EYS: variants seen among roughly 807,000 people sequenced by gnomAD.
EYS encodes EGF-like photoreceptor maintenance factor.
In EYS, 250 loss-of-function variants were observed where a neutral mutation model predicts 282.1. The ratio of observed to expected loss-of-function variants is 0.89; its 90% confidence interval spans 0.80 to 0.98. EYS has a LOEUF of 0.98. Ranked by LOEUF, EYS falls within the 50% of genes least tolerant of loss-of-function variation. The pLI is 0.00. For missense variants in EYS, 4,016 were observed against 3,709.0 expected, an observed-to-expected ratio of 1.08 and a Z score of -2.15; for synonymous variants, 1,355 against 1,282.9, an observed-to-expected ratio of 1.06 and a Z score of -1.20.
intron 12 of EYS, among the ~76,000 whole-genome samples, chr6:65,138,634 T>C (rs1776089830): frequency 3.3e-5 from 5 of 152,090 alleles, no homozygotes; most frequent in African/African-American, 1.2e-4. Context: ...GTTTTCTTTA[T>C]ACTTTATATA....
intron 36 of EYS, among the ~76,000 whole-genome samples, chr6:63,839,178 C>A (rs1771884913): frequency 2.0e-5 from 3 of 152,118 alleles, no homozygotes; most frequent in Admixed American, 2.0e-4. Context: ...TCTAACTTTT[C>A]TTTTGTATCC....
At chr6:65,499,726 T>C (rs969348432) in intron 2 of EYS, among the ~76,000 whole-genome samples, 1 of 151,962 alleles carries the variant, frequency 6.6e-6, no homozygotes, top group African/African-American at 2.4e-5. Context: ...CTACCAGCAG[T>C]GTGAATGATG....
At chr6:63,851,467 A>T (rs1407678257) in intron 36 of EYS, among the ~76,000 whole-genome samples, 1 of 152,180 alleles carries the variant, frequency 6.6e-6, no homozygotes, top group African/African-American at 2.4e-5. Context: ...ATCATAACAA[A>T]CAGTCTCTCA....
chr6:64,198,243 G>T (rs1302155254), intron 31 of EYS, among the ~76,000 whole-genome samples: 1 of 150,790 alleles, frequency 6.6e-6, no homozygotes, highest in African/African-American at 2.4e-5. Context: ...TCCTGACCTC[G>T]TGATCCTCCT....
At chr6:65,296,535 T>TATAC (rs1227882749) in intron 11 of EYS, among the ~76,000 whole-genome samples, 2 of 151,754 alleles carry the variant, frequency 1.3e-5, no homozygotes, top group Non-Finnish European at 2.9e-5. Context: ...ACTATATATA[T>TATAC]ATACATATAT....
At chr6:63,852,292 G>C (rs1475006976) in intron 36 of EYS, among the ~76,000 whole-genome samples, 1 of 151,380 alleles carries the variant, frequency 6.6e-6, no homozygotes, top group African/African-American at 2.4e-5. Flanking sequence ...AAATGAGAAA[G>C]GGGAGATCAC....
chr6:64,838,449 C>T (rs1765454616), intron 19 of EYS, among the ~76,000 whole-genome samples: 2 of 151,880 alleles, frequency 1.3e-5, no homozygotes, highest in African/African-American at 4.8e-5. Context: ...CCTAGGGATG[C>T]TGGTTAAATG....
intron 2 of EYS, among the ~76,000 whole-genome samples, chr6:65,576,660 A>G (rs1764678846): frequency 6.6e-6 from 1 of 151,912 alleles, no homozygotes; most frequent in South Asian, 2.1e-4. Context: ...CAGATTACAT[A>G]ATCTTATATA....
chr6:65,609,276 T>C (rs957748182), intron 2 of EYS, among the ~76,000 whole-genome samples: 1 of 150,856 alleles, frequency 6.6e-6, no homozygotes, highest in African/African-American at 2.4e-5. Flanking sequence ...TTAGTATATG[T>C]GGTCCATCCT....
chr6:64,198,515 C>T (rs1283645061), intron 31 of EYS, among the ~76,000 whole-genome samples: 6 of 152,060 alleles, frequency 3.9e-5, no homozygotes, highest in Non-Finnish European at 8.8e-5. Context: ...TTTGATGTTC[C>T]CCTCCCTGTG....
intron 22 of EYS, among the ~76,000 whole-genome samples, chr6:64,797,824 C>A (rs948968975): frequency 6.6e-6 from 1 of 151,860 alleles, no homozygotes; most frequent in Non-Finnish European, 1.5e-5. Context: ...AAGCAATATA[C>A]CCGTGAGATC....
chr6:64,215,970 G>T (rs1458831442), intron 31 of EYS, among the ~76,000 whole-genome samples: 1 of 152,162 alleles, frequency 6.6e-6, no homozygotes, highest in Non-Finnish European at 1.5e-5. Flanking sequence ...AAAGAACATT[G>T]GCGGGCATGG....
intron 28 of EYS, among the ~76,000 whole-genome samples, chr6:64,410,045 A>G (rs1366447064): frequency 1.3e-5 from 2 of 152,068 alleles, no homozygotes; most frequent in Non-Finnish European, 2.9e-5. Flanking sequence ...CTCTTGGGGC[A>G]TTTATAATTG....
At chr6:64,497,600 G>T (rs1776930459) in intron 26 of EYS, among the ~76,000 whole-genome samples, 1 of 152,060 alleles carries the variant, frequency 6.6e-6, no homozygotes, top group Admixed American at 6.6e-5. Context: ...ATACTGAAAA[G>T]TGTAGGTAGA....
At chr6:64,702,214 T>C (rs1770816819) in intron 22 of EYS, among the ~76,000 whole-genome samples, 1 of 151,992 alleles carries the variant, frequency 6.6e-6, no homozygotes, top group South Asian at 2.1e-4. Context: ...AGAATGAACA[T>C]TTTTACAAAT....
rs1353968771 is a variant in EYS, at chr6:63,721,691, T to TC, written c.8339dup (p.Ser2781LysfsTer31). On this transcript the variant is annotated frameshift_variant, in exon 43 of 43. Coordinates refer to ENST00000503581, the MANE Select transcript of EYS (RefSeq NM_001142800.2). LOFTEE classifies it low-confidence loss of function (END_TRUNC). ...CTGCTTTTATTATATGCCAAGTACTTCCGTTTATAGTTACTTTTTGGAGAG... is the reference window on the plus strand; with the variant it reads ...CTGCTTTTATTATATGCCAAGTACTTCCCGTTTATAGTTACTTTTTGGAGAG... 1 of 1,551,426 alleles carries TC rather than the reference T, an allele frequency of 6.4e-7. No homozygotes were observed. Among genetic ancestry groups the TC allele is most frequent in the Admixed American group, 2.0e-5 (1 of 50,976 alleles).
At chr6:64,063,141 A>T (rs1375642073) in intron 33 of EYS, among the ~76,000 whole-genome samples, 2 of 152,004 alleles carry the variant, frequency 1.3e-5, no homozygotes, top group African/African-American at 2.4e-5. Context: ...ATTCTAGGCA[A>T]TTTTTTTCTA....
At chr6:65,226,958 A>G (rs1053929699) in intron 12 of EYS, among the ~76,000 whole-genome samples, 4 of 152,062 alleles carry the variant, frequency 2.6e-5, no homozygotes, top group African/African-American at 9.7e-5. Context: ...TAAGTGGCCT[A>G]GTGCAGTGGC....
intron 12 of EYS, among the ~76,000 whole-genome samples, chr6:65,285,432 C>T (rs1241425129): frequency 1.3e-5 from 2 of 151,808 alleles, no homozygotes; most frequent in Non-Finnish European, 2.9e-5. Flanking sequence ...TGTATCTTTC[C>T]TCTCTTGCAT....
Sources: gnomAD v4.1 joint callset for allele counts (sites outside exome capture counted in the v4.1 genomes callset) on GRCh38, gnomAD v4.1.1 for gene constraint, MANE v1.5 for transcripts, NCBI Gene and HGNC (gene_info 2026-07-23, HGNC 2026-07-21) for gene names.